The following ABCC1 variants were observed in gnomAD, a reference collection of about 807,000 sequenced individuals.
The protein encoded by ABCC1 is ATP binding cassette subfamily C member 1 (ABCC1 blood group), also known as multidrug resistance-associated protein 1.
ABCC1 carries 83 observed loss-of-function variants against 172.9 expected under a neutral mutation model. That is an observed-to-expected ratio of 0.48 (90% CI 0.40 to 0.58). The LOEUF (loss-of-function observed/expected upper bound fraction) is 0.58. Among genes scored for constraint, ABCC1 ranks in the 20% least tolerant of loss-of-function variants. The pLI is 0.00. For synonymous variants in ABCC1, 937 were observed against 825.2 expected, an observed-to-expected ratio of 1.14 and a Z score of -2.32; for missense variants, 1,817 against 2,002.7, an observed-to-expected ratio of 0.91 and a Z score of 1.77.
At chr16:16,130,759 GA>G (rs2045644388) in intron 26 of ABCC1, among the ~76,000 whole-genome samples, 1 of 152,172 alleles carries the variant, frequency 6.6e-6, no homozygotes, top group Non-Finnish European at 1.5e-5. Context: ...GACGTTAAAA[GA>G]ATCTGGGGGC....
At chr16:16,136,378 C>T in intron 28 of ABCC1, 100 bp from the exon 29 acceptor site, 1 of 1,326,284 alleles carries the variant, frequency 7.5e-7, no homozygotes, top group Non-Finnish European at 1.0e-6. Flanking sequence ...GCTCTGATAC[C>T]CCACCTTCAA....
At chr16:16,030,489 G>T (rs565620568) in intron 5 of ABCC1, among the ~76,000 whole-genome samples, 28 of 152,156 alleles carry the variant, frequency 1.8e-4, no homozygotes, top group African/African-American at 6.5e-4. Context: ...CACGCCACTG[G>T]ACTCCAGCCT....
intron 1 of ABCC1, among the ~76,000 whole-genome samples, chr16:15,972,088 C>A (rs895434463): frequency 2.6e-5 from 4 of 151,972 alleles, no homozygotes; most frequent in Non-Finnish European, 4.4e-5. Flanking sequence ...CACAGTCATG[C>A]TGGGTGGTTG....
chr16:16,130,912 G>C (rs763361164), intron 26 of ABCC1, among the ~76,000 whole-genome samples: 38 of 152,126 alleles, frequency 2.5e-4, no homozygotes, highest in Non-Finnish European at 4.4e-4. Context: ...CATGAGGTCA[G>C]GAGTTAGAGA....
intron 26 of ABCC1, among the ~76,000 whole-genome samples, chr16:16,130,904 T>C (rs1009457674): frequency 6.6e-6 from 1 of 152,102 alleles, no homozygotes; most frequent in Non-Finnish European, 1.5e-5. Context: ...GGGTGGATCA[T>C]GAGGTCAGGA....
intron 1 of ABCC1, among the ~76,000 whole-genome samples, chr16:15,976,103 T>C (rs1032616962): frequency 6.6e-6 from 1 of 151,850 alleles, no homozygotes; most frequent in African/African-American, 2.4e-5. Flanking sequence ...CCGTCTCTAC[T>C]AAAATATAAA....
At chr16:16,008,509 A>AT (rs932809133) in intron 2 of ABCC1, among the ~76,000 whole-genome samples, 18 of 148,400 alleles carry the variant, frequency 1.2e-4, no homozygotes, top group East Asian at 6.0e-4. Flanking sequence ...CTGGCCCCTA[A>AT]TTTTTTTTTT....
intron 1 of ABCC1, among the ~76,000 whole-genome samples, chr16:15,987,071 G>A (rs1166282938): frequency 3.3e-5 from 5 of 152,090 alleles, no homozygotes; most frequent in East Asian, 1.9e-4. Context: ...AGGCTGAGGC[G>A]GGAGGATCAC....
intron 5 of ABCC1, among the ~76,000 whole-genome samples, chr16:16,030,064 T>G (rs1567328951): frequency 6.6e-6 from 1 of 152,218 alleles, no homozygotes; most frequent in South Asian, 2.1e-4. Flanking sequence ...ACTGTTTTCC[T>G]CAGGGAAGCC....
intron 26 of ABCC1, among the ~76,000 whole-genome samples, chr16:16,127,457 C>A (rs549767807): frequency 1.3e-5 from 2 of 152,300 alleles, no homozygotes; most frequent in African/African-American, 4.8e-5. Context: ...CCTTGGCCTC[C>A]CAAAGTGCTG....
At chr16:16,072,878 C>T (rs1376534481) in intron 14 of ABCC1, among the ~76,000 whole-genome samples, 1 of 151,460 alleles carries the variant, frequency 6.6e-6, no homozygotes, top group African/African-American at 2.4e-5. Context: ...CCCGTCTCTA[C>T]TGAAAATACA....
intron 19 of ABCC1, among the ~76,000 whole-genome samples, 163 bp downstream of exon 19, chr16:16,090,751 C>A (rs903299144): frequency 6.6e-6 from 1 of 152,062 alleles, no homozygotes; most frequent in African/African-American, 2.4e-5. Context: ...TGGAAAACCA[C>A]CTTAGTCCCT....
At chr16:16,077,995 TA>T (rs2050647553) in intron 15 of ABCC1, among the ~76,000 whole-genome samples, 1 of 152,082 alleles carries the variant, frequency 6.6e-6, no homozygotes, top group Non-Finnish European at 1.5e-5. Flanking sequence ...CCATCTGTAC[TA>T]AAAATACAAA....
rs2048614500 is a variant in ABCC1, at chr16:16,033,128, G to C, written c.635G>C (p.Ser212Thr). Residue 212 changes from serine to threonine, a missense_variant, in exon 6 of 31, where the codon AGC (serine) becomes ACC (threonine). This residue lies in a region of ABCC1 where 398 missense variants were observed against 384.2 expected (regional missense o/e 1.04). Transcript: ENST00000399410. ...CACTAGAATCCCTGCCCAGAGTCCA[G>C]CGCTTCCTTCCTGTCGAGGATCACC... ...IHDPNPCPESSASFLSRITFW... is the reference protein window; with the variant it reads ...IHDPNPCPESTASFLSRITFW... 3 of 1,614,062 alleles carry C rather than the reference G, an allele frequency of 1.9e-6. No individual in the cohort carries two copies. The highest frequency in any genetic ancestry group is 2.5e-6 in the Non-Finnish European group (3 of 1,180,044).
chr16:16,071,744 A>C lies in ABCC1; in HGVS notation c.1912+15A>C. The C allele has an allele frequency of 6.2e-7, 1 of 1,609,764 alleles. No homozygotes were observed. The highest frequency in any genetic ancestry group is 8.5e-7 in the Non-Finnish European group (1 of 1,177,576). ...TGTCAAAGACGGTGTGTGTGTGTTC[A>C]GTCCTGGCTTCTGGAAGTGGCCGCC... is the stretch of plus-strand genomic sequence containing the variant. On this transcript the variant is annotated intron_variant, in intron 14 of 30. Transcript: ENST00000399410.
At chr16:15,963,238 C>T (rs537437660) in intron 1 of ABCC1, among the ~76,000 whole-genome samples, 2 of 152,366 alleles carry the variant, frequency 1.3e-5, no homozygotes, top group South Asian at 2.1e-4. Context: ...GCTTCCACGG[C>T]CTTGGGCAGC....
chr16:16,136,736 C>A, intron 29 of ABCC1, 92 bp downstream of exon 29: 1 of 1,415,552 alleles, frequency 7.1e-7, no homozygotes, highest in Non-Finnish European at 9.5e-7. Context: ...ATCTGTGTCA[C>A]CTGGATTTGA....
chr16:16,130,865 G>C (rs1050633920), intron 26 of ABCC1, among the ~76,000 whole-genome samples: 1 of 152,212 alleles, frequency 6.6e-6, no homozygotes, highest in Non-Finnish European at 1.5e-5. Context: ...GCTCACGCCT[G>C]TAATCCCAGC....
chr16:15,960,186 C>A (rs2046096794), intron 1 of ABCC1, among the ~76,000 whole-genome samples: 1 of 152,042 alleles, frequency 6.6e-6, no homozygotes, highest in African/African-American at 2.4e-5. Flanking sequence ...GGCCAAGTGA[C>A]CCTCCCAACT....
Sources: gnomAD v4.1 joint callset for allele counts (sites outside exome capture counted in the v4.1 genomes callset) on GRCh38, gnomAD v4.1.1 for gene constraint, gnomAD v4.1.1 regional missense constraint, MANE v1.5 for transcripts, NCBI Gene and HGNC (gene_info 2026-07-23, HGNC 2026-07-21) for gene names.